Variants in KCNQ1 observed in about 807,000 individuals in gnomAD.
The protein encoded by KCNQ1 is potassium voltage-gated channel subfamily KQT member 1.
A neutral mutation model predicts 72.4 loss-of-function variants in KCNQ1; 49 were observed. That is an observed-to-expected ratio of 0.68 (90% CI 0.54 to 0.86). KCNQ1 has a LOEUF of 0.86. Among genes scored for constraint, KCNQ1 ranks in the 40% least tolerant of loss-of-function variants. The pLI is 0.00. For missense variants in KCNQ1, 790 were observed against 945.1 expected, an observed-to-expected ratio of 0.84 and a Z score of 2.15; for synonymous variants, 450 against 412.6, an observed-to-expected ratio of 1.09 and a Z score of -1.10.
intron 9 of KCNQ1, among the ~76,000 whole-genome samples, chr11:2,587,997 G>A (rs1390175294): frequency 6.6e-6 from 1 of 152,094 alleles, no homozygotes; most frequent in African/African-American, 2.4e-5. Flanking sequence ...TCAGGGTTGG[G>A]CTTTCCACAC....
rs539580973 is a variant in KCNQ1 at position 2,565,005 on chromosome 11, G to A, written c.478-5623G>A. Among the ~76,000 whole-genome samples the A allele has an allele frequency of 6.6e-6, 1 of 152,152 alleles. No individual in the cohort carries two copies. The highest frequency in any genetic ancestry group is 1.5e-5 in the Non-Finnish European group (1 of 68,026). ...CGGTGCACTGAGGGACACTGGGCTGGTTCCCCTTTTTGGCTGTTGTGAATG... is the reference window on the plus strand; with the variant it reads ...CGGTGCACTGAGGGACACTGGGCTGATTCCCCTTTTTGGCTGTTGTGAATG... On this transcript the variant is annotated intron_variant, in intron 2 of 15. Coordinates refer to ENST00000155840, the MANE Select transcript of KCNQ1 (RefSeq NM_000218.3). The surrounding 1 kb of genome is among the most constrained non-coding windows in gnomAD (Gnocchi z 5.6).
chr11:2,724,747 G>A lies in KCNQ1; in HGVS notation c.1515-44097G>A, dbSNP rs1331665090. Among the ~76,000 whole-genome samples the A allele has an allele frequency of 6.6e-6, 1 of 152,228 alleles. No individual in the cohort carries two copies. The highest frequency in any genetic ancestry group is 1.5e-5 in the Non-Finnish European group (1 of 68,034). ...CAAGGAGACACAGGCAACAGAACCAGGGCTCAGAGTTGGGGGAAGGGGCCA... is the reference window on the plus strand; with the variant it reads ...CAAGGAGACACAGGCAACAGAACCAAGGCTCAGAGTTGGGGGAAGGGGCCA... On this transcript the variant is annotated intron_variant, in intron 11 of 15. Transcript: ENST00000155840. This position sits in a 1 kb window ranked among gnomAD's most constrained non-coding sequence, Gnocchi z 6.8.
At chr11:2,717,340 G>T (rs1384321500) in intron 11 of KCNQ1, among the ~76,000 whole-genome samples, 1 of 152,176 alleles carries the variant, frequency 6.6e-6, no homozygotes, top group Non-Finnish European at 1.5e-5. Context: ...GCCCTCCCAG[G>T]CTTCTGTGAT....
At position 2,624,743 on chromosome 11, in the gene KCNQ1, C is replaced by A. The variant is rs911125753; in HGVS notation, c.1393+35889C>A. 2 of 398,418 alleles carry A rather than the reference C, an allele frequency of 5.0e-6. No individual in the cohort carries two copies. Among genetic ancestry groups the A allele is most frequent in the Admixed American group, 4.4e-5 (1 of 22,708 alleles). 24.7% of individuals were successfully genotyped at this position (398,418 alleles called of 1,614,324 possible). On this transcript the variant is annotated intron_variant, in intron 10 of 15. Coordinates refer to ENST00000155840, the MANE Select transcript of KCNQ1 (RefSeq NM_000218.3). This position sits in a 1 kb window ranked among gnomAD's most constrained non-coding sequence, Gnocchi z 4.9. ...ATCCATTAAACAATAATTCCCCAAC[C>A]CCCCCACCACCGCCATCTCTTGGAA...
At chr11:2,796,598 C>CCT (rs1197714567) in intron 15 of KCNQ1, among the ~76,000 whole-genome samples, 1 of 152,250 alleles carries the variant, frequency 6.6e-6, no homozygotes, top group Admixed American at 6.5e-5. Context: ...CCCGAAGGGG[C>CCT]CTGTGTCCAG....
rs1038509631 is a variant in KCNQ1, at chr11:2,723,939, T to C, written c.1515-44905T>C. On this transcript the variant is annotated intron_variant, in intron 11 of 15. Coordinates refer to ENST00000155840, the MANE Select transcript of KCNQ1 (RefSeq NM_000218.3). This position sits in a 1 kb window ranked among gnomAD's most constrained non-coding sequence, Gnocchi z 4.2. ...CAGGGATGGGGCATCTCAGCCTTTGTATCTGCCGTGGGCGTGGAGGCATTT... is the reference window on the plus strand; with the variant it reads ...CAGGGATGGGGCATCTCAGCCTTTGCATCTGCCGTGGGCGTGGAGGCATTT... Among the ~76,000 whole-genome samples, 2 of 152,162 alleles carry C rather than the reference T, an allele frequency of 1.3e-5. No homozygotes were observed. The highest frequency in any genetic ancestry group is 1.3e-4 in the Admixed American group (2 of 15,290).
intron 7 of KCNQ1, among the ~76,000 whole-genome samples, chr11:2,584,046 A>C (rs1263109515): frequency 6.7e-6 from 1 of 149,532 alleles, no homozygotes; most frequent in Non-Finnish European, 1.5e-5. Flanking sequence ...TGTGTGTATA[A>C]TTTTATGTTA....
At chr11:2,615,549 C>T (rs761007889) in intron 10 of KCNQ1, 18 of 397,638 alleles carry the variant, frequency 4.5e-5, no homozygotes, top group Non-Finnish European at 7.1e-5. Context: ...TTCACAAATC[C>T]TCTTTAACAC....
chr11:2,834,492 G>A (rs980401550), intron 15 of KCNQ1, among the ~76,000 whole-genome samples: 2 of 152,216 alleles, frequency 1.3e-5, no homozygotes, highest in Non-Finnish European at 2.9e-5. Context: ...TCCTGCCTCT[G>A]AGGGTCTGTC....
chr11:2,749,928 C>G (rs1846199171), intron 11 of KCNQ1, among the ~76,000 whole-genome samples: 1 of 151,288 alleles, frequency 6.6e-6, no homozygotes. Context: ...CCACTGCACT[C>G]CAGCCTGGGC....
At chr11:2,467,344 C>T (rs1846366781) in intron 1 of KCNQ1, among the ~76,000 whole-genome samples, 1 of 152,130 alleles carries the variant, frequency 6.6e-6, no homozygotes. Flanking sequence ...ACGGTGTCGG[C>T]CTCTACCCTT....
In KCNQ1 at chr11:2,642,749, A is replaced by G. The variant is rs1458100106; in HGVS notation, c.1394-19212A>G. ...TTGCTTTTCTGGTTCCTTCAGGTGTATCATTAGATTATTTAAGATCTTTTC... is the reference window on the plus strand; with the variant it reads ...TTGCTTTTCTGGTTCCTTCAGGTGTGTCATTAGATTATTTAAGATCTTTTC... On this transcript the variant is annotated intron_variant, in intron 10 of 15. Coordinates refer to ENST00000155840, the MANE Select transcript of KCNQ1 (RefSeq NM_000218.3). This position sits in a 1 kb window ranked among gnomAD's most constrained non-coding sequence, Gnocchi z 4.3. 2 of 397,536 alleles carry G rather than the reference A, an allele frequency of 5.0e-6. No individual in the cohort carries two copies. Among genetic ancestry groups the G allele is most frequent in the East Asian group, 7.2e-5 (2 of 27,922 alleles). The allele number at this position is 397,536 out of a possible 1,614,324, so 24.6% of individuals were successfully genotyped here.
Position 2,492,986 on chromosome 11 carries a change from G to T in KCNQ1, c.387-34942G>T, listed in dbSNP as rs145048462. ...ACACTCCCACCAACAGTGTAAAAGC[G>T]TTCCTATTTCTCCACATCCTCTCCA... On this transcript the variant is annotated intron_variant, in intron 1 of 15. Transcript: ENST00000155840. This position sits in a 1 kb window ranked among gnomAD's most constrained non-coding sequence, Gnocchi z 4.1. Among the ~76,000 whole-genome samples, 1 of 152,164 alleles carries T rather than the reference G, an allele frequency of 6.6e-6. No homozygotes were observed. The highest frequency in any genetic ancestry group is 1.5e-5 in the Non-Finnish European group (1 of 68,040).
chr11:2,546,574 T>C (rs1847904648), intron 2 of KCNQ1, among the ~76,000 whole-genome samples: 1 of 152,256 alleles, frequency 6.6e-6, no homozygotes, highest in Non-Finnish European at 1.5e-5. Context: ...ACTGTATTTG[T>C]GGATTTCTCT....
intron 10 of KCNQ1, chr11:2,650,721 G>C: frequency 2.5e-6 from 1 of 398,652 alleles, no homozygotes; most frequent in Non-Finnish European, 4.4e-6. Context: ...CAGGGGACTA[G>C]AATGCTATTG....
rs1850443255 is a variant in KCNQ1, at chr11:2,683,987, T to C, written c.1514+21906T>C. The C allele has an allele frequency of 5.0e-6, 2 of 398,082 alleles. No individual in the cohort carries two copies. 24.7% of individuals were successfully genotyped at this position (398,082 alleles called of 1,614,324 possible). ...TTTTTTTTTTTTTCATTTAGAAGAA[T>C]TTCCTTGGCAACTCCGTCTCTCCTT... On this transcript the variant is annotated intron_variant, in intron 11 of 15. Coordinates refer to ENST00000155840, the MANE Select transcript of KCNQ1 (RefSeq NM_000218.3). This position sits in a 1 kb window ranked among gnomAD's most constrained non-coding sequence, Gnocchi z 4.7.
At chr11:2,760,487 C>G (rs1590072327) in intron 11 of KCNQ1, among the ~76,000 whole-genome samples, 1 of 152,178 alleles carries the variant, frequency 6.6e-6, no homozygotes, top group African/African-American at 2.4e-5. Flanking sequence ...CAGCAGCTGA[C>G]CCACGGCCAA....
rs1038443985 is a variant in KCNQ1, at chr11:2,515,405, AG to A, written c.387-12522del. The stretch of plus-strand genomic sequence containing the variant: ...GCCTGCCCTGTGTGAGGGAGGGCGG[AG>A]CCCCTGGCCCAGGGGCGGGGAGGCC... On this transcript the variant is annotated intron_variant, in intron 1 of 15. Coordinates refer to ENST00000155840, the MANE Select transcript of KCNQ1 (RefSeq NM_000218.3). This position sits in a 1 kb window ranked among gnomAD's most constrained non-coding sequence, Gnocchi z 4.7. Among the ~76,000 whole-genome samples, 1 of 51,884 alleles carries A rather than the reference AG, an allele frequency of 1.9e-5. No homozygotes were observed. Among genetic ancestry groups the A allele is most frequent in the African/African-American group, 3.7e-5 (1 of 27,140 alleles). The allele number at this position is 51,884 out of a possible 152,430, so 34.0% of individuals were successfully genotyped here. A position where few individuals can be genotyped will look rare whatever the true frequency, so the allele number is the denominator to read the frequency against.
Position 2,488,047 on chromosome 11 carries a change from C to CTTTTATTATGTTAAGG in KCNQ1, c.387-39880_387-39879insTTTATTATGTTAAGGT, listed in dbSNP as rs1487928624. 4.6e-5 allele frequency among the ~76,000 whole-genome samples: 7 copies of CTTTTATTATGTTAAGG among 152,004 alleles called. No individual in the cohort carries two copies. Among genetic ancestry groups the CTTTTATTATGTTAAGG allele is most frequent in the African/African-American group, 1.7e-4 (7 of 41,390 alleles). On this transcript the variant is annotated intron_variant, in intron 1 of 15. Coordinates refer to ENST00000155840, the MANE Select transcript of KCNQ1 (RefSeq NM_000218.3). This position sits in a 1 kb window ranked among gnomAD's most constrained non-coding sequence, Gnocchi z 5.1. The stretch of plus-strand genomic sequence containing the variant: ...ATGTTAAGGTAGTTTCCTTCTATTC[C>CTTTTATTATGTTAAGG]TAGTTTGTTGAGAGTTTTTAATAAG...
Sources: allele counts gnomAD v4.1 joint callset (sites outside exome capture counted in the v4.1 genomes callset), GRCh38; gene constraint gnomAD v4.1.1; non-coding constraint Gnocchi (gnomAD v3.1); transcripts MANE v1.5; gene names NCBI Gene and HGNC (gene_info 2026-07-23, HGNC 2026-07-21).